The following MAPKBP1 variants were observed in gnomAD, a reference collection of about 807,000 sequenced individuals.
MAPKBP1 encodes the protein mitogen-activated protein kinase binding protein 1, also known as mitogen-activated protein kinase-binding protein 1.
In MAPKBP1, 71 loss-of-function variants were observed where a neutral mutation model predicts 170.5. The ratio of observed to expected loss-of-function variants is 0.42; its 90% CI spans 0.34 to 0.51. MAPKBP1 has a LOEUF of 0.51. MAPKBP1 is among the 20% of genes least tolerant of loss of function. The pLI, the probability that MAPKBP1 is intolerant of heterozygous loss-of-function variation, is 0.06. For missense variants in MAPKBP1, 1,598 were observed against 1,933.0 expected (o/e 0.83, Z 3.25); for synonymous variants, 719 against 757.9 (o/e 0.95, Z 0.84).
In MAPKBP1 at chr15:41,803,392, C is replaced by T. The variant is rs189861449; in HGVS notation, c.206+3478C>T. Among the ~76,000 whole-genome samples, 510 of 112,470 alleles carry T rather than the reference C, an allele frequency of 4.5e-3. 4 individuals are homozygous for T. Among genetic ancestry groups the T allele is most frequent in the African/African-American group, 0.017 (482 of 28,592 alleles). The allele number at this position is 112,470 out of a possible 152,430, so 73.8% of individuals were successfully genotyped here. A position where few individuals can be genotyped will look rare whatever the true frequency, so the allele number is the denominator to read the frequency against. On this transcript the variant is annotated intron_variant, in intron 3 of 30. Coordinates refer to ENST00000457542, the MANE Select transcript of MAPKBP1 (RefSeq NM_014994.3). ...TCGTGCCACTGCACTCCAGCCTGAGCGGCTGAGCAAGACTCCATCTCAAAA... is the reference window on the plus strand; with the variant it reads ...TCGTGCCACTGCACTCCAGCCTGAGTGGCTGAGCAAGACTCCATCTCAAAA...
At chr15:41,824,105 T>A (rs755883264) in intron 29 of MAPKBP1, 44 bp downstream of exon 29, 1 of 1,545,328 alleles carries the variant, frequency 6.5e-7, no homozygotes, top group Non-Finnish European at 8.7e-7. Flanking sequence ...CCATCCTTAC[T>A]CTCCCCTCTC....
intron 2 of MAPKBP1, among the ~76,000 whole-genome samples, chr15:41,776,162 T>C (rs1347919531): frequency 6.6e-6 from 1 of 152,226 alleles, no homozygotes; most frequent in African/African-American, 2.4e-5. Flanking sequence ...ATTTAATCCC[T>C]TGAGGGAATC....
intron 2 of MAPKBP1, among the ~76,000 whole-genome samples, chr15:41,796,271 G>T (rs977083633): frequency 6.6e-6 from 1 of 152,148 alleles, no homozygotes; most frequent in Non-Finnish European, 1.5e-5. Context: ...ATTGAACCTG[G>T]GGTGTGTTTG....
Position 41,822,968 on chromosome 15 carries a change from C to T in MAPKBP1, c.3344C>T (p.Ala1115Val). The change falls in exon 28 of 31, where the codon GCA becomes GTA. Residue 1115 changes from alanine to valine, a missense_variant. Around this residue, in one of 6 missense-constraint regions of MAPKBP1, gnomAD observed 942 missense variants for 953.2 expected, o/e 0.99. Coordinates refer to ENST00000457542, the MANE Select transcript of MAPKBP1 (RefSeq NM_014994.3). ...REPSPSSSSLALMSRPAQVPQ... is the reference protein window; with the variant it reads ...REPSPSSSSLVLMSRPAQVPQ... ...CCATCCCCATCCTCCTCAAGCCTGGCACTGATGTCGAGACCAGCCCAGGTG... is the reference window on the plus strand; with the variant it reads ...CCATCCCCATCCTCCTCAAGCCTGGTACTGATGTCGAGACCAGCCCAGGTG... The T allele has an allele frequency of 6.2e-7, 1 of 1,613,250 alleles. No homozygotes were observed. The highest frequency in any genetic ancestry group is 8.5e-7 in the Non-Finnish European group (1 of 1,179,434).
At chr15:41,821,197 CT>C in intron 23 of MAPKBP1, 129 bp downstream of exon 23, 1 of 877,096 alleles carries the variant, frequency 1.1e-6, no homozygotes, top group Non-Finnish European at 1.8e-6. Flanking sequence ...GTAACCTGAA[CT>C]GCAAAGCCAG....
chr15:41,811,452 A>G (rs1670897820), intron 5 of MAPKBP1: 4 of 701,884 alleles, frequency 5.7e-6, no homozygotes, highest in Non-Finnish European at 7.8e-6. Flanking sequence ...TGGTCCTCAG[A>G]GTTTCTGATT....
chr15:41,784,916 A>AG (rs923835756), intron 2 of MAPKBP1, among the ~76,000 whole-genome samples: 13 of 151,388 alleles, frequency 8.6e-5, no homozygotes, highest in African/African-American at 3.1e-4. Flanking sequence ...AAAAAAAAAA[A>AG]AATTAGTTGG....
rs1275752194 is a variant in MAPKBP1 at position 41,825,673 on chromosome 15, C to G, written c.*237C>G. The G allele has an allele frequency of 4.1e-6, 2 of 490,680 alleles. No individual in the cohort carries two copies. The allele number at this position is 490,680 out of a possible 1,614,324, so 30.4% of individuals were successfully genotyped here. On this transcript the variant is annotated 3_prime_UTR_variant, in exon 31 of 31. Coordinates refer to ENST00000457542, the MANE Select transcript of MAPKBP1 (RefSeq NM_014994.3). ...TCCACAGCCCCTCCAGTGGCAGGGACAGGTCTTGGGTCTTTGTCATCTTGG... is the reference window on the plus strand; with the variant it reads ...TCCACAGCCCCTCCAGTGGCAGGGAGAGGTCTTGGGTCTTTGTCATCTTGG...
At chr15:41,819,547 C>CGGGGGTGGGGGGGGGGGG in intron 21 of MAPKBP1, 48 bp from the exon 22 acceptor site, 2 of 1,228,194 alleles carry the variant, frequency 1.6e-6, no homozygotes, top group Non-Finnish European at 2.2e-6. Context: ...GGTTGGGTGG[C>CGGGGGTGGGGGGGGGGGG]GGGGGGGGGG....
Position 41,817,318 on chromosome 15 carries a change from G to T in MAPKBP1, c.1712-70G>T. 6.7e-7 allele frequency: 1 copy of T among 1,487,808 alleles called. No individual in the cohort carries two copies. Among genetic ancestry groups the T allele is most frequent in the Non-Finnish European group, 9.4e-7 (1 of 1,065,316 alleles). 92.2% of individuals were successfully genotyped at this position (1,487,808 alleles called of 1,614,324 possible). On this transcript the variant is annotated intron_variant, in intron 14 of 30. Coordinates refer to ENST00000457542, the MANE Select transcript of MAPKBP1 (RefSeq NM_014994.3). The surrounding 1 kb of genome is among the most constrained non-coding windows in gnomAD (Gnocchi z 4.2). ...TAGCTTGATGGGGGATCTCATGGAG[G>T]GAAGGTGGGAGGCAGGCTGCTCCCA...
chr15:41,805,825 AG>A (rs2152075941), intron 3 of MAPKBP1, among the ~76,000 whole-genome samples: 1 of 152,278 alleles, frequency 6.6e-6, no homozygotes, highest in Admixed American at 6.5e-5. Context: ...AGAGAAGAAA[AG>A]GTTGGGACTT....
chr15:41,816,683 C>T lies in MAPKBP1; in HGVS notation c.1585+33C>T, dbSNP rs200816752. On this transcript the variant is annotated intron_variant, in intron 13 of 30. Coordinates refer to ENST00000457542, the MANE Select transcript of MAPKBP1 (RefSeq NM_014994.3). ...GAATGCCCGGAATGGCACAGGGCTC[C>T]TCCAGTCCTGCCGGTGCCACTTATA... 13 of 1,583,732 alleles carry T rather than the reference C, an allele frequency of 8.2e-6. No individual in the cohort carries two copies. In the African/African-American group the frequency reaches 1.3e-4, roughly 16 times the overall value.
At chr15:41,803,687 C>T (rs890205815) in intron 3 of MAPKBP1, among the ~76,000 whole-genome samples, 4 of 152,014 alleles carry the variant, frequency 2.6e-5, no homozygotes, top group African/African-American at 4.8e-5. Context: ...TGCACTCCAG[C>T]TTGGGTGACA....
intron 1 of MAPKBP1, 53 bp from the exon 2 acceptor site, chr15:41,775,114 C>T: frequency 1.6e-6 from 1 of 615,490 alleles, no homozygotes; most frequent in South Asian, 1.9e-5. Flanking sequence ...CTGCAGACTT[C>T]GCTAGGCAGA....
At chr15:41,786,777 A>AAAAAAATATATATATATATATATAT in intron 2 of MAPKBP1, among the ~76,000 whole-genome samples, 7 of 32,434 alleles carry the variant, frequency 2.2e-4, no homozygotes, top group African/African-American at 9.2e-4. Flanking sequence ...AAAAAAAAAA[A>AAAAAAATATATATATATATATATAT]ATATATATAT....
At chr15:41,825,125 G>A in intron 30 of MAPKBP1, 84 bp from the exon 31 acceptor site, 1 of 1,020,950 alleles carries the variant, frequency 9.8e-7, no homozygotes, top group East Asian at 2.6e-5. Flanking sequence ...CCCTTCTGAG[G>A]CAGGCTGGAC....
intron 22 of MAPKBP1, among the ~76,000 whole-genome samples, chr15:41,820,464 CCTCAGAGTAGGAGA>C (rs2064976417): frequency 6.6e-6 from 1 of 152,080 alleles, no homozygotes; most frequent in East Asian, 1.9e-4. Flanking sequence ...CTGGGGCTGT[CCTCAGAGTAGGAGA>C]CTTTTAGAGA....
intron 2 of MAPKBP1, among the ~76,000 whole-genome samples, chr15:41,796,304 C>T (rs894312093): frequency 3.3e-5 from 5 of 152,174 alleles, no homozygotes; most frequent in African/African-American, 1.2e-4. Flanking sequence ...AAATTTGTCT[C>T]CATCTTCTAG....
At chr15:41,806,505 T>C (rs1165108560) in intron 3 of MAPKBP1, among the ~76,000 whole-genome samples, 4 of 152,170 alleles carry the variant, frequency 2.6e-5, no homozygotes, top group African/African-American at 4.8e-5. Flanking sequence ...TCCTGGGCTC[T>C]TTGTGGTAGC....
Sources: allele counts gnomAD v4.1 joint callset (sites outside exome capture counted in the v4.1 genomes callset), GRCh38; gene constraint gnomAD v4.1.1; regional missense constraint gnomAD v4.1.1; non-coding constraint Gnocchi (gnomAD v3.1); transcripts MANE v1.5; gene names NCBI Gene and HGNC (gene_info 2026-07-23, HGNC 2026-07-21).